The following IPP variants were observed in gnomAD, a reference collection of about 807,000 sequenced individuals.
IPP encodes intracisternal A particle-promoted polypeptide.
IPP carries 41 observed loss-of-function variants against 64.1 expected under a neutral mutation model. The ratio of observed to expected loss-of-function variants is 0.64; its 90% CI spans 0.50 to 0.83. IPP has a LOEUF of 0.83. Ranked by LOEUF, IPP falls within the 40% of genes least tolerant of loss-of-function variation. The probability of loss-of-function intolerance (pLI) is 0.00; values close to 1 mark genes in which losing one functional copy is unlikely to be tolerated. For missense variants in IPP, 649 were observed against 703.0 expected (o/e 0.92, Z 0.87); for synonymous variants, 214 against 235.2 (o/e 0.91, Z 0.83).
At chr1:45,721,097 G>T (rs533429939) in intron 5 of IPP, among the ~76,000 whole-genome samples, 210 of 152,218 alleles carry the variant, frequency 1.4e-3, no homozygotes, top group Admixed American at 2.5e-3. Flanking sequence ...CTTTATGAGG[G>T]TCTAGAATCC....
rs1557752076 is a variant in IPP at position 45,727,730 on chromosome 1, C to A, written c.949G>T (p.Asp317Tyr). Residue 317 changes from aspartate to tyrosine, a missense_variant, in exon 5 of 9, where the codon GAC becomes TAC. Transcript: ENST00000396478. ...SRALSCVERFDTFSQYWTTVS... is the reference protein window; with the variant it reads ...SRALSCVERFYTFSQYWTTVS... ...GTGGTCCAGTACTGGCTAAAGGTGT[C>A]AAAACGTTCTACACAGCTGAGGGCT... The A allele has an allele frequency of 6.2e-7, 1 of 1,600,476 alleles. No individual in the cohort carries two copies. The highest frequency in any genetic ancestry group is 1.3e-5 in the African/African-American group (1 of 74,886).
chr1:45,708,070 CTT>C (rs967244090), intron 8 of IPP, among the ~76,000 whole-genome samples: 2 of 144,646 alleles, frequency 1.4e-5, no homozygotes, highest in Admixed American at 6.9e-5. Flanking sequence ...TTTATTTTTA[CTT>C]TTTTTTTTTT....
At chr1:45,749,525 G>GC (rs1646189363) in intron 1 of IPP, among the ~76,000 whole-genome samples, 4 of 107,090 alleles carry the variant, frequency 3.7e-5, no homozygotes. Context: ...TTTGTTTTTT[G>GC]TTTTTTTTTT....
At chr1:45,749,482 GC>G (rs1298407699) in intron 1 of IPP, among the ~76,000 whole-genome samples, 2 of 150,978 alleles carry the variant, frequency 1.3e-5, no homozygotes, top group Admixed American at 6.6e-5. Context: ...CGGGAGGATC[GC>G]TTGATTTTTT....
chr1:45,740,781 A>T, intron 3 of IPP, 120 bp downstream of exon 3: 1 of 593,910 alleles, frequency 1.7e-6, no homozygotes. Context: ...AGAAAAAAAA[A>T]GAGTAATCAT....
chr1:45,735,466 C>CT (rs756979985), intron 3 of IPP, among the ~76,000 whole-genome samples: 3,208 of 58,000 alleles, frequency 0.055, 435 homozygotes, highest in African/African-American at 0.095. Flanking sequence ...TTTAATTTTG[C>CT]TTTTTTTTTT....
chr1:45,698,124 G>A (rs1391867742), downstream of IPP: 1 of 151,566 alleles, frequency 6.6e-6, no homozygotes, highest in Non-Finnish European at 1.5e-5. Context: ...CCAACATGGT[G>A]AAACCCCATA....
intron 1 of IPP, among the ~76,000 whole-genome samples, chr1:45,749,475 G>T (rs1557765851): frequency 1.3e-5 from 2 of 151,940 alleles, no homozygotes; most frequent in Non-Finnish European, 2.9e-5. Context: ...GTCCTGTCGG[G>T]AGGATCGCTT....
intron 5 of IPP, among the ~76,000 whole-genome samples, chr1:45,725,262 C>T (rs1645803765): frequency 7.8e-6 from 1 of 128,698 alleles, no homozygotes. Context: ...AGGTGAGGGG[C>T]GCCTCTGCCC....
intron 3 of IPP, among the ~76,000 whole-genome samples, chr1:45,736,042 C>T (rs1034486576): frequency 6.7e-5 from 10 of 149,538 alleles, no homozygotes; most frequent in Non-Finnish European, 1.2e-4. Flanking sequence ...ACCCAGGAGG[C>T]GGAGGTTGCA....
At position 45,699,265 on chromosome 1, in the gene IPP, T is replaced by A; in HGVS notation, c.*701A>T. ...CTGCCAATAAAAAGTTTGGGGCTAG[T>A]GAAAACTCTTGGCATTAAATAAAAG... On this transcript the variant is annotated 3_prime_UTR_variant, in exon 9 of 9. Transcript: ENST00000396478. 1.0e-6 allele frequency: 1 copy of A among 985,410 alleles called. No individual in the cohort carries two copies. Among genetic ancestry groups the A allele is most frequent in the Non-Finnish European group, 1.2e-6 (1 of 829,904 alleles). The allele number at this position is 985,410 out of a possible 1,614,324, so 61.0% of individuals were successfully genotyped here.
chr1:45,740,098 G>A (rs147977587), intron 3 of IPP, among the ~76,000 whole-genome samples: 1,760 of 152,286 alleles, frequency 0.012, 20 homozygotes, highest in Non-Finnish European at 0.02. Context: ...ATTTAACCCT[G>A]AGTGGACACA....
At chr1:45,713,262 TAGAAAAA>T (rs1252034601) in intron 8 of IPP, among the ~76,000 whole-genome samples, 1 of 150,770 alleles carries the variant, frequency 6.6e-6, no homozygotes, top group Admixed American at 6.6e-5. Flanking sequence ...ACCCTAACCA[TAGAAAAA>T]AAAAAATTCA....
Position 45,698,901 on chromosome 1 carries a change from T to A in IPP, c.*1065A>T. ...GCCCGGCTAATTTTTATATATTTTT[T>A]GGTAGAGACGGAGTCTCATCACGTT... On this transcript the variant is annotated 3_prime_UTR_variant, in exon 9 of 9. Transcript: ENST00000396478. 2 of 343,184 alleles carry A rather than the reference T, an allele frequency of 5.8e-6. No homozygotes were observed. Among genetic ancestry groups the A allele is most frequent in the Non-Finnish European group, 8.2e-6 (2 of 243,100 alleles). 21.3% of individuals were successfully genotyped at this position (343,184 alleles called of 1,614,324 possible).
intron 8 of IPP, among the ~76,000 whole-genome samples, chr1:45,711,031 C>CA (rs1192979078): frequency 6.6e-4 from 56 of 84,870 alleles, no homozygotes; most frequent in South Asian, 1.2e-3. Context: ...AACAAACAAA[C>CA]AAAAAAAAAA....
At chr1:45,742,761 C>T (rs1225756343) in intron 2 of IPP, among the ~76,000 whole-genome samples, 1 of 151,846 alleles carries the variant, frequency 6.6e-6, no homozygotes, top group Non-Finnish European at 1.5e-5. Flanking sequence ...TGATCTCAAA[C>T]TCCTGGGCTC....
chr1:45,694,476 T>C, downstream of IPP: 18 of 1,546,462 alleles, frequency 1.2e-5, no homozygotes, highest in Non-Finnish European at 1.5e-5. Context: ...AATGCACATA[T>C]TCTCCCACTT....
downstream of IPP, chr1:45,694,705 T>C (rs1441552113): frequency 1.9e-6 from 1 of 519,848 alleles, no homozygotes; most frequent in Non-Finnish European, 3.4e-6. Context: ...TTCCAGTTTT[T>C]ATTAGGATAT....
At chr1:45,711,753 CAAA>C (rs751563608) in intron 8 of IPP, among the ~76,000 whole-genome samples, 2 of 53,470 alleles carry the variant, frequency 3.7e-5, no homozygotes, top group Non-Finnish European at 3.9e-5. Flanking sequence ...GACTCTGTCA[CAAA>C]AAAAAAAAAA....
Sources: allele counts gnomAD v4.1 joint callset (sites outside exome capture counted in the v4.1 genomes callset), GRCh38; gene constraint gnomAD v4.1.1; transcripts MANE v1.5; gene names NCBI Gene and HGNC (gene_info 2026-07-23, HGNC 2026-07-21).